The following ARHGAP9 variants were observed in gnomAD, a reference collection of about 807,000 sequenced individuals.
ARHGAP9 encodes the protein rho GTPase-activating protein 9.
A neutral mutation model predicts 87.3 loss-of-function variants in ARHGAP9; 76 were observed. That is an observed-to-expected ratio of 0.87 (90% confidence interval 0.72 to 1.05). The LOEUF is 1.05. ARHGAP9 is among the 50% of genes least tolerant of loss of function. The pLI, the probability that ARHGAP9 is intolerant of heterozygous loss-of-function variation, is 0.00. For missense variants in ARHGAP9, 941 were observed against 960.5 expected, an observed-to-expected ratio of 0.98 and a Z score of 0.27; for synonymous variants, 382 against 394.9, an observed-to-expected ratio of 0.97 and a Z score of 0.39.
At chr12:57,480,694 C>T, upstream of ARHGAP9, 1 of 1,348,524 alleles carries the variant, frequency 7.4e-7, no homozygotes, top group Non-Finnish European at 1.0e-6. Context: ...GGGACTGATG[C>T]CAGCTTCTCC....
intron 10 of ARHGAP9, 85 bp from the exon 11 acceptor site, chr12:57,475,700 C>G: frequency 6.4e-7 from 1 of 1,556,584 alleles, no homozygotes; most frequent in Non-Finnish European, 8.7e-7. Flanking sequence ...GCCGGGGTCC[C>G]ACATCCCGGC....
chr12:57,477,062 G>A (rs1235985064), intron 5 of ARHGAP9, 94 bp downstream of exon 5: 6 of 1,491,794 alleles, frequency 4.0e-6, no homozygotes, highest in East Asian at 2.3e-5. Flanking sequence ...GAGGTGGGGG[G>A]TGTGGTGGGG....
intron 17 of ARHGAP9, 140 bp from the exon 18 acceptor site, chr12:57,472,828 A>G (rs1339601294): frequency 1.1e-6 from 1 of 870,090 alleles, no homozygotes; most frequent in East Asian, 2.6e-5. Flanking sequence ...CCAAGGAGAT[A>G]CAAGGAGAAT....
intron 9 of ARHGAP9, 67 bp from the exon 10 acceptor site, chr12:57,475,998 G>A: frequency 6.6e-7 from 1 of 1,525,782 alleles, no homozygotes. Context: ...AGACCTAGCG[G>A]GAGGCCTGCG....
upstream of ARHGAP9, among the ~76,000 whole-genome samples, chr12:57,482,111 GAAATCAAT>G (rs1341928031): frequency 6.6e-6 from 1 of 152,080 alleles, no homozygotes; most frequent in Non-Finnish European, 1.5e-5. Flanking sequence ...AGTTTAATAT[GAAATCAAT>G]AAATATTGGC....
intron 1 of ARHGAP9, chr12:57,488,341 A>G (rs1212421509): frequency 2.5e-6 from 2 of 792,280 alleles, no homozygotes; most frequent in African/African-American, 1.7e-5. Context: ...TGATCACTCC[A>G]CGCCTTCTTC....
chr12:57,475,144 G>C, intron 12 of ARHGAP9, 147 bp downstream of exon 12: 1 of 1,113,952 alleles, frequency 9.0e-7, no homozygotes, highest in Admixed American at 2.4e-5. Flanking sequence ...TCTGGCAAAG[G>C]GGTACAGGTC....
chr12:57,481,450 A>G (rs984459543), upstream of ARHGAP9, among the ~76,000 whole-genome samples: 1 of 151,666 alleles, frequency 6.6e-6, no homozygotes, highest in African/African-American at 2.4e-5. Context: ...ACAGGGTTTC[A>G]CTATGTTGGC....
At chr12:57,473,051 G>A (rs1245932778) in intron 17 of ARHGAP9, among the ~76,000 whole-genome samples, 1 of 152,184 alleles carries the variant, frequency 6.6e-6, no homozygotes. Context: ...GCAGAGGGAA[G>A]GGAGAAGTAA....
At chr12:57,482,621 A>G (rs1875106333), upstream of ARHGAP9, among the ~76,000 whole-genome samples, 1 of 151,956 alleles carries the variant, frequency 6.6e-6, no homozygotes, top group Non-Finnish European at 1.5e-5. Context: ...GGGAGTATCT[A>G]TTGAACCTGG....
Position 57,473,664 on chromosome 12 carries a change from T to C in ARHGAP9, c.1963A>G (p.Ile655Val). 1.9e-6 allele frequency: 3 copies of C among 1,614,126 alleles called. No homozygotes were observed. The highest frequency in any genetic ancestry group is 2.5e-6 in the Non-Finnish European group (3 of 1,179,988). ...EQCLSQIQELIGSMPKPNHDT... is the reference protein window; with the variant it reads ...EQCLSQIQELVGSMPKPNHDT... ...TGGTTGGGCTTTGGCATTGAGCCTATTAATTCTTGTATCTGAGAGAGGCAC... is the reference window on the plus strand; with the variant it reads ...TGGTTGGGCTTTGGCATTGAGCCTACTAATTCTTGTATCTGAGAGAGGCAC... The change falls in exon 17 of 18, where the codon ATA becomes GTA. Residue 655 changes from isoleucine to valine, a missense_variant. By Grantham distance (29) the Ile-to-Val change is conservative (BLOSUM62 3). Transcript: ENST00000393791.
chr12:57,488,596 G>C, intron 1 of ARHGAP9: 1 of 1,550,938 alleles, frequency 6.4e-7, no homozygotes, highest in Non-Finnish European at 8.7e-7. Flanking sequence ...ACACACACAC[G>C]TTCCTTTCTG....
At position 57,474,953 on chromosome 12, in the gene ARHGAP9, A is replaced by T. The variant is rs765081715; in HGVS notation, c.1573T>A (p.Leu525Met). 1 of 1,614,046 alleles carries T rather than the reference A, an allele frequency of 6.2e-7. No individual in the cohort carries two copies. Residue 525 changes from leucine to methionine, a missense_variant, in exon 13 of 18, where the codon TTG becomes ATG. Transcript: ENST00000393791. ...CCTTCCCGCTGGCAGAGTGATTCCAACTGGCAGCCGAACACCTGGTCTGGG... is the reference window on the plus strand; with the variant it reads ...CCTTCCCGCTGGCAGAGTGATTCCATCTGGCAGCCGAACACCTGGTCTGGG... Reference protein sequence around the residue: ...LLRDQVFGCQLESLCQREGDT... With the variant: ...LLRDQVFGCQMESLCQREGDT...
intron 1 of ARHGAP9, chr12:57,488,237 G>A (rs36085497): frequency 6.3e-7 from 1 of 1,577,804 alleles, no homozygotes; most frequent in Non-Finnish European, 8.7e-7. Context: ...GGATGGGGGG[G>A]CGGGACCGAA....
chr12:57,478,527 A>G lies in ARHGAP9; in HGVS notation c.534+13T>C. ...CCTAGAACAGGGCCCAGCTCAGAAG[A>G]GCTGTGACTCACTGTGCTGGCACTG... On this transcript the variant is annotated intron_variant, in intron 3 of 17. Coordinates refer to ENST00000393791, the MANE Select transcript of ARHGAP9 (RefSeq NM_032496.4). 6.2e-7 allele frequency: 1 copy of G among 1,613,252 alleles called. No homozygotes were observed. The highest frequency in any genetic ancestry group is 8.5e-7 in the Non-Finnish European group (1 of 1,179,404).
chr12:57,487,838 G>A (rs986719949), intron 1 of ARHGAP9: 19 of 469,074 alleles, frequency 4.1e-5, no homozygotes, highest in Non-Finnish European at 5.9e-5. Context: ...GACAGAGGGA[G>A]ACGCCCTCTC....
chr12:57,481,572 G>A (rs147207243), upstream of ARHGAP9, among the ~76,000 whole-genome samples: 120 of 151,736 alleles, frequency 7.9e-4, no homozygotes, highest in Admixed American at 2.0e-4. Flanking sequence ...TTTTACAGTC[G>A]AACTTCTTGA....
intron 3 of ARHGAP9, 194 bp from the exon 4 acceptor site, chr12:57,477,874 C>G: frequency 7.2e-7 from 1 of 1,397,202 alleles, no homozygotes; most frequent in South Asian, 1.4e-5. Context: ...TCACAGTTTT[C>G]TTTGCTCTTC....
chr12:57,488,191 G>A (rs761611879), intron 1 of ARHGAP9: 2 of 1,611,410 alleles, frequency 1.2e-6, no homozygotes, highest in East Asian at 2.2e-5. Context: ...AGCACTGTAG[G>A]CCCGGAAGGT....
Sources: gnomAD v4.1 joint callset for allele counts (sites outside exome capture counted in the v4.1 genomes callset) on GRCh38, gnomAD v4.1.1 for gene constraint, MANE v1.5 for transcripts, NCBI Gene and HGNC (gene_info 2026-07-23, HGNC 2026-07-21) for gene names.